Variants in DLGAP5 observed in about 807,000 individuals in gnomAD.
DLGAP5 encodes the protein disks large-associated protein 5.
A neutral mutation model predicts 99.6 loss-of-function variants in DLGAP5; 90 were observed. The observed-to-expected ratio is 0.90, with a 90% CI of 0.76 to 1.08. DLGAP5 has a LOEUF of 1.08. DLGAP5 is among the 50% of genes least tolerant of loss of function. The pLI, the probability that DLGAP5 is intolerant of heterozygous loss-of-function variation, is 0.00. For missense variants in DLGAP5, 1,036 were observed against 983.5 expected, an observed-to-expected ratio of 1.05 and a Z score of -0.71; for synonymous variants, 311 against 321.3, an observed-to-expected ratio of 0.97 and a Z score of 0.34.
At chr14:55,190,028 T>C (rs1000592952) in intron 1 of DLGAP5, among the ~76,000 whole-genome samples, 1 of 152,182 alleles carries the variant, frequency 6.6e-6, no homozygotes, top group Non-Finnish European at 1.5e-5. Context: ...AGGTACCACT[T>C]TGAAGACTCC....
chr14:55,190,299 C>CACACACAG (rs911218015), intron 1 of DLGAP5, among the ~76,000 whole-genome samples: 2 of 151,830 alleles, frequency 1.3e-5, no homozygotes, highest in African/African-American at 4.8e-5. Context: ...TACACACACA[C>CACACACAG]ACACACACAC....
chr14:55,151,237 T>A (rs1882006291), intron 17 of DLGAP5, among the ~76,000 whole-genome samples: 1 of 152,132 alleles, frequency 6.6e-6, no homozygotes. Context: ...TAGGAGCCAT[T>A]TCCTATTGCA....
Position 55,169,226 on chromosome 14 carries a change from A to C in DLGAP5, c.1548+173T>G, listed in dbSNP as rs139905891. On this transcript the variant is annotated intron_variant, in intron 12 of 18. Transcript: ENST00000247191. ...TCCTGAGAATATATGGGAGAAGAGG[A>C]CATCAGTCATAAAATTTAGATCATG... is the stretch of plus-strand genomic sequence containing the variant. Among the ~76,000 whole-genome samples, 586 of 151,626 alleles carry C rather than the reference A, an allele frequency of 3.9e-3. 6 individuals are homozygous for C. Among genetic ancestry groups the C allele is most frequent in the African/African-American group, 0.013 (556 of 41,302 alleles).
chr14:55,167,080 C>T (rs963695109), intron 12 of DLGAP5, among the ~76,000 whole-genome samples: 1 of 151,618 alleles, frequency 6.6e-6, no homozygotes, highest in African/African-American at 2.4e-5. Context: ...CATGGCGAAC[C>T]CCATCTCTAC....
chr14:55,155,934 C>T (rs963234714), intron 14 of DLGAP5, among the ~76,000 whole-genome samples: 27 of 151,242 alleles, frequency 1.8e-4, no homozygotes, highest in African/African-American at 6.3e-4. Context: ...TAAAAAAATA[C>T]CAAAAAATCA....
At chr14:55,166,911 A>G (rs539230548) in intron 12 of DLGAP5, among the ~76,000 whole-genome samples, 5 of 151,306 alleles carry the variant, frequency 3.3e-5, no homozygotes, top group East Asian at 1.9e-4. Flanking sequence ...CCAATGGCCA[A>G]CTTGAAGTGG....
Position 55,181,182 on chromosome 14 carries a change from G to A in DLGAP5, c.580+31C>T, listed in dbSNP as rs540714332. On this transcript the variant is annotated intron_variant, in intron 5 of 18. Coordinates refer to ENST00000247191, the MANE Select transcript of DLGAP5 (RefSeq NM_014750.5). ...AAAAATTATGGCTGTGGTAGCCTCA[G>A]AGGATTTATAGTAATTGCTAATATT... 8.2e-5 allele frequency: 130 copies of A among 1,588,660 alleles called. No homozygotes were observed. In the South Asian group the frequency reaches 1.2e-3, roughly 14 times the overall value.
At chr14:55,184,123 A>C (rs987653569) in intron 2 of DLGAP5, among the ~76,000 whole-genome samples, 2 of 151,952 alleles carry the variant, frequency 1.3e-5, no homozygotes, top group Non-Finnish European at 2.9e-5. Context: ...CCTGCACTCC[A>C]GCCTAAGCAA....
chr14:55,150,994 G>C lies in DLGAP5; in HGVS notation c.2369-146C>G, dbSNP rs992355517. Reference sequence around the variant, plus strand: ...AGACCCCTATGCTATAATGTTTTTTGAAAGTAGTTAAATTCTTATCCTTAA... The same window carrying C: ...AGACCCCTATGCTATAATGTTTTTTCAAAGTAGTTAAATTCTTATCCTTAA... On this transcript the variant is annotated intron_variant, in intron 17 of 18. Coordinates refer to ENST00000247191, the MANE Select transcript of DLGAP5 (RefSeq NM_014750.5). 4 of 533,476 alleles carry C rather than the reference G, an allele frequency of 7.5e-6. No individual in the cohort carries two copies. In the Admixed American group the frequency reaches 1.2e-4, roughly 17 times the overall value. 33.0% of individuals were successfully genotyped at this position (533,476 alleles called of 1,614,324 possible).
intron 2 of DLGAP5, among the ~76,000 whole-genome samples, chr14:55,187,314 G>A (rs1219135550): frequency 1.4e-5 from 2 of 143,584 alleles, no homozygotes; most frequent in African/African-American, 5.3e-5. Flanking sequence ...CAGCCAAAGT[G>A]ATCCTTTTTT....
At chr14:55,163,327 ACTAAAATG>A (rs1254524027) in intron 12 of DLGAP5, among the ~76,000 whole-genome samples, 1 of 152,250 alleles carries the variant, frequency 6.6e-6, no homozygotes. Context: ...ATTATTTTTG[ACTAAAATG>A]CTAAAATGGT....
chr14:55,186,619 A>C (rs1039060509), intron 2 of DLGAP5, among the ~76,000 whole-genome samples: 1 of 152,128 alleles, frequency 6.6e-6, no homozygotes, highest in Non-Finnish European at 1.5e-5. Context: ...TCCAGGCTCC[A>C]TGTTTTCTAC....
intron 18 of DLGAP5, 163 bp downstream of exon 18, chr14:55,150,636 A>G (rs540018459): frequency 1.7e-4 from 86 of 515,146 alleles, no homozygotes; most frequent in Non-Finnish European, 2.6e-4. Context: ...ATTTTAAAGT[A>G]TATAAACACC....
intron 14 of DLGAP5, among the ~76,000 whole-genome samples, chr14:55,156,137 C>G (rs1184236069): frequency 6.6e-6 from 1 of 151,700 alleles, no homozygotes; most frequent in Non-Finnish European, 1.5e-5. Context: ...ATTTCTACCA[C>G]ATAACCCCTC....
At chr14:55,190,613 TTAAC>T (rs1883581576) in intron 1 of DLGAP5, among the ~76,000 whole-genome samples, 1 of 152,292 alleles carries the variant, frequency 6.6e-6, no homozygotes, top group Non-Finnish European at 1.5e-5. Context: ...TCAACAAGAA[TTAAC>T]TAAATCCACT....
intron 12 of DLGAP5, 89 bp from the exon 13 acceptor site, chr14:55,163,164 T>G: frequency 1.5e-6 from 1 of 664,276 alleles, no homozygotes; most frequent in Non-Finnish European, 2.3e-6. Flanking sequence ...AAATTAAAAA[T>G]AGTGATTCAG....
intron 14 of DLGAP5, 134 bp from the exon 15 acceptor site, chr14:55,154,940 G>A: frequency 1.4e-6 from 1 of 738,538 alleles, no homozygotes; most frequent in East Asian, 2.7e-5. Context: ...AAATGCCTGG[G>A]ACTTTCTGTT....
chr14:55,176,996 A>AAAAAAAG (rs2139515844), intron 8 of DLGAP5, 66 bp downstream of exon 8: 1 of 1,024,178 alleles, frequency 9.8e-7, no homozygotes, highest in East Asian at 4.1e-5. Context: ...AAAAAAAAAA[A>AAAAAAAG]AAAAAAAAGA....
intron 10 of DLGAP5, among the ~76,000 whole-genome samples, chr14:55,172,177 T>C (rs1277903072): frequency 1.6e-5 from 2 of 125,524 alleles, no homozygotes; most frequent in Non-Finnish European, 1.5e-5. Flanking sequence ...GTTTTGTTTC[T>C]TTAAAAAAAA....
Sources: allele counts gnomAD v4.1 joint callset (sites outside exome capture counted in the v4.1 genomes callset), GRCh38; gene constraint gnomAD v4.1.1; transcripts MANE v1.5; gene names NCBI Gene and HGNC (gene_info 2026-07-23, HGNC 2026-07-21).